PRELID2: variants seen among roughly 807,000 people sequenced by gnomAD.
PRELID2 encodes the protein PRELI domain-containing protein 2.
Under a neutral mutation model 28.4 loss-of-function variants are expected in PRELID2, and 25 were observed. The ratio of observed to expected loss-of-function variants is 0.88; its 90% CI spans 0.64 to 1.23. PRELID2 has a LOEUF of 1.23. PRELID2 is among the 50% of genes most tolerant of loss of function. PRELID2 has a pLI of 0.00. For missense variants in PRELID2, 201 were observed against 214.4 expected (o/e 0.94, Z 0.39); for synonymous variants, 76 against 71.6 (o/e 1.06, Z -0.31).
chr5:145,812,127 C>T (rs1753990364), intron 4 of PRELID2, among the ~76,000 whole-genome samples: 2 of 152,154 alleles, frequency 1.3e-5, no homozygotes, highest in South Asian at 4.1e-4. Flanking sequence ...TTGACTCAAT[C>T]ACCATCAGGT....
At chr5:145,683,181 C>T (rs148071779) in intron 1 of PRELID2, among the ~76,000 whole-genome samples, 1 of 152,238 alleles carries the variant, frequency 6.6e-6, no homozygotes, top group Non-Finnish European at 1.5e-5. Context: ...CCTTTACTAG[C>T]TCTGTGACTT....
At chr5:145,379,335 A>G in the PRELID2 span, among the ~76,000 whole-genome samples, 1 of 152,190 alleles carries the variant, frequency 6.6e-6, no homozygotes, top group Non-Finnish European at 1.5e-5. Flanking sequence ...TAGGTGCTGG[A>G]CTGCCTGACT....
At chr5:145,642,282 T>C (rs1437520718) in intron 1 of PRELID2, among the ~76,000 whole-genome samples, 1 of 152,266 alleles carries the variant, frequency 6.6e-6, no homozygotes, top group Admixed American at 6.5e-5. Flanking sequence ...TGAGGTTTTT[T>C]TCATTTGCTT....
At chr5:145,431,076 C>T in the PRELID2 span, among the ~76,000 whole-genome samples, 1 of 143,508 alleles carries the variant, frequency 7.0e-6, no homozygotes, top group African/African-American at 2.6e-5. Context: ...GCATCACAGC[C>T]CTAATGTTAT....
the PRELID2 span, among the ~76,000 whole-genome samples, chr5:145,440,185 ACTTTTTTCTCTGTCATGAC>A: frequency 6.6e-6 from 1 of 152,044 alleles, no homozygotes; most frequent in Non-Finnish European, 1.5e-5. Flanking sequence ...CAAATAAGTG[ACTTTTTTCTCTGTCATGAC>A]CAGATTCCAG....
chr5:145,788,694 C>A (rs571718848), intron 5 of PRELID2, among the ~76,000 whole-genome samples: 20 of 152,028 alleles, frequency 1.3e-4, no homozygotes, highest in African/African-American at 4.6e-4. Flanking sequence ...ATAAAAGGCA[C>A]CCATGTAGAA....
chr5:145,279,850 A>G, the PRELID2 span, among the ~76,000 whole-genome samples: 3 of 146,944 alleles, frequency 2.0e-5, no homozygotes, highest in African/African-American at 7.6e-5. Context: ...AAACTTCACT[A>G]TTTAACTTTG....
the PRELID2 span, among the ~76,000 whole-genome samples, chr5:145,394,067 C>A: frequency 1.3e-5 from 2 of 152,074 alleles, no homozygotes; most frequent in Admixed American, 1.3e-4. Context: ...TTGACCCAGC[C>A]ATCCCATTAC....
At chr5:145,561,942 C>A (rs1421038660) in intron 1 of PRELID2, among the ~76,000 whole-genome samples, 4 of 152,026 alleles carry the variant, frequency 2.6e-5, no homozygotes, top group African/African-American at 9.7e-5. Flanking sequence ...TAGGAGGTGA[C>A]CACTAATGGG....
At chr5:145,286,596 C>A in the PRELID2 span, among the ~76,000 whole-genome samples, 2 of 152,240 alleles carry the variant, frequency 1.3e-5, no homozygotes, top group Admixed American at 6.5e-5. Flanking sequence ...TCAAGAAGCA[C>A]TCTTTTTCAT....
intron 1 of PRELID2, among the ~76,000 whole-genome samples, chr5:145,823,901 T>C (rs1448404624): frequency 2.0e-5 from 3 of 152,194 alleles, no homozygotes; most frequent in Non-Finnish European, 4.4e-5. Context: ...ATAAGGTATG[T>C]GTTATTTTTT....
the PRELID2 span, among the ~76,000 whole-genome samples, chr5:145,417,916 G>T: frequency 6.6e-6 from 1 of 152,134 alleles, no homozygotes; most frequent in South Asian, 2.1e-4. Context: ...GCAAGAGAAA[G>T]AAATAAAGGG....
intron 1 of PRELID2, among the ~76,000 whole-genome samples, chr5:145,650,523 CATATATACATAT>C (rs1241056194): frequency 0.022 from 2,000 of 91,618 alleles, 36 homozygotes; most frequent in Admixed American, 0.065. Flanking sequence ...TCGAATCGCA[CATATATACATAT>C]ATATATATAT....
At chr5:145,551,586 G>C (rs1013210205) in intron 1 of PRELID2, among the ~76,000 whole-genome samples, 1 of 152,028 alleles carries the variant, frequency 6.6e-6, no homozygotes, top group East Asian at 1.9e-4. Flanking sequence ...ATTTACCTTT[G>C]ACTGATTGTC....
chr5:145,274,275 T>C, the PRELID2 span, among the ~76,000 whole-genome samples: 2 of 152,172 alleles, frequency 1.3e-5, no homozygotes, highest in Non-Finnish European at 2.9e-5. Context: ...TAGCTCTGTT[T>C]CTAATCTGAG....
chr5:145,680,934 G>A (rs1194606260), intron 1 of PRELID2, among the ~76,000 whole-genome samples: 1 of 152,204 alleles, frequency 6.6e-6, no homozygotes, highest in East Asian at 1.9e-4. Context: ...GTTTTTATGA[G>A]GAGTTCTGAC....
the PRELID2 span, among the ~76,000 whole-genome samples, chr5:145,397,763 A>G: frequency 6.6e-6 from 1 of 152,172 alleles, no homozygotes; most frequent in Non-Finnish European, 1.5e-5. Flanking sequence ...TAGTAGGTCC[A>G]AAGTTATGAA....
At chr5:145,489,348 C>A (rs1373006603) in intron 1 of PRELID2, among the ~76,000 whole-genome samples, 3 of 152,128 alleles carry the variant, frequency 2.0e-5, no homozygotes, top group Admixed American at 6.5e-5. Context: ...CCAATAACAG[C>A]AAACTTTATC....
At chr5:145,706,611 C>G (rs78974230) in intron 1 of PRELID2, among the ~76,000 whole-genome samples, 1 of 152,268 alleles carries the variant, frequency 6.6e-6, no homozygotes, top group South Asian at 2.1e-4. Context: ...CTAGGCACTA[C>G]GCTAGGTGAT....
Sources: allele counts gnomAD v4.1 joint callset (sites outside exome capture counted in the v4.1 genomes callset), GRCh38; gene constraint gnomAD v4.1.1; transcripts MANE v1.5; gene names NCBI Gene and HGNC (gene_info 2026-07-23, HGNC 2026-07-21).